Variants in TEKT5 observed in about 807,000 individuals in gnomAD.
The protein encoded by TEKT5 is tektin-5.
A neutral mutation model predicts 48.7 loss-of-function variants in TEKT5; 52 were observed. That is an observed-to-expected ratio of 1.07 (90% confidence interval 0.86 to 1.35). The LOEUF is 1.35. Among genes scored for constraint, TEKT5 ranks in the 40% most tolerant of loss-of-function variants. The pLI, the probability that TEKT5 is intolerant of heterozygous loss-of-function variation, is 0.00. For synonymous variants in TEKT5, 318 were observed against 267.6 expected (o/e 1.19, Z -1.84); for missense variants, 831 against 641.6 (o/e 1.30, Z -3.19).
intron 1 of TEKT5, among the ~76,000 whole-genome samples, 165 bp downstream of exon 1, chr16:10,694,145 G>A (rs184380471): frequency 1.3e-3 from 192 of 152,274 alleles, no homozygotes; most frequent in Non-Finnish European, 2.3e-3. Flanking sequence ...ATTTGACTGG[G>A]ATTATCCTGA....
chr16:10,689,813 C>T, intron 2 of TEKT5, 129 bp downstream of exon 2: 2 of 859,920 alleles, frequency 2.3e-6, no homozygotes, highest in East Asian at 2.6e-5. Flanking sequence ...ACCCATGCTT[C>T]CTGAGCCCTC....
At chr16:10,650,883 TAAAA>T (rs546133425) in intron 5 of TEKT5, among the ~76,000 whole-genome samples, 1 of 130,710 alleles carries the variant, frequency 7.7e-6, no homozygotes. Context: ...AGACTCCATC[TAAAA>T]AAAAAAAAAA....
chr16:10,657,183 T>A (rs1358091735), intron 5 of TEKT5, among the ~76,000 whole-genome samples: 2 of 151,172 alleles, frequency 1.3e-5, no homozygotes, highest in African/African-American at 2.4e-5. Flanking sequence ...TGGAGTGCAA[T>A]GGTGTGATCT....
chr16:10,642,455 CCT>C (rs1379461052), intron 5 of TEKT5, among the ~76,000 whole-genome samples: 1 of 152,164 alleles, frequency 6.6e-6, no homozygotes, highest in East Asian at 1.9e-4. Context: ...CCTGCCCCAC[CCT>C]GTCCTTCCCA....
chr16:10,669,084 C>G (rs150722707), intron 5 of TEKT5, among the ~76,000 whole-genome samples: 20 of 152,254 alleles, frequency 1.3e-4, no homozygotes, highest in African/African-American at 1.2e-4. Context: ...ATTTTTTGAA[C>G]TCTGTGAGAG....
chr16:10,652,603 G>GACACAC (rs71133381), intron 5 of TEKT5, among the ~76,000 whole-genome samples: 1 of 12,242 alleles, frequency 8.2e-5, no homozygotes, highest in African/African-American at 4.8e-4. Flanking sequence ...TACACAGGCA[G>GACACAC]ACACACACAC....
At chr16:10,637,561 C>T (rs1897934159) in intron 5 of TEKT5, among the ~76,000 whole-genome samples, 1 of 152,198 alleles carries the variant, frequency 6.6e-6, no homozygotes, top group Admixed American at 6.5e-5. Context: ...TTGTACCCTA[C>T]AATTTATGAA....
chr16:10,636,547 A>T (rs1897915944), intron 5 of TEKT5, among the ~76,000 whole-genome samples: 1 of 151,956 alleles, frequency 6.6e-6, no homozygotes, highest in Admixed American at 6.6e-5. Context: ...AAAGTAAGGG[A>T]GTGAGGGAGA....
intron 5 of TEKT5, among the ~76,000 whole-genome samples, chr16:10,650,721 T>C (rs1898142261): frequency 6.6e-6 from 1 of 151,800 alleles, no homozygotes; most frequent in Admixed American, 6.6e-5. Flanking sequence ...CCGTCTCTAC[T>C]AAAAATACAA....
At chr16:10,656,483 G>T (rs35946902) in intron 5 of TEKT5, among the ~76,000 whole-genome samples, 14,809 of 151,984 alleles carry the variant, frequency 0.097, 1,260 homozygotes, top group African/African-American at 0.22. Context: ...AAACTCCTGG[G>T]CTCAAGCGAT....
At chr16:10,666,476 T>C (rs545900909) in intron 5 of TEKT5, among the ~76,000 whole-genome samples, 2 of 152,314 alleles carry the variant, frequency 1.3e-5, no homozygotes, top group South Asian at 4.1e-4. Flanking sequence ...CTCTGCCCAG[T>C]AGATGCCAGC....
Position 10,664,410 on chromosome 16 carries a change from G to A in TEKT5, c.1086+11549C>T, listed in dbSNP as rs375580498. 6.6e-5 allele frequency among the ~76,000 whole-genome samples: 10 copies of A among 152,368 alleles called. No homozygotes were observed. The East Asian group carries it at 1.2e-3, about 18-fold the overall frequency. ...TCTGATTCAGTGGGTCCTGGATGGA[G>A]CCTGAGAACGTGCATTTCTAACAAA... On this transcript the variant is annotated intron_variant, in intron 5 of 6. Coordinates refer to ENST00000283025, the MANE Select transcript of TEKT5 (RefSeq NM_144674.2).
intron 3 of TEKT5, among the ~76,000 whole-genome samples, chr16:10,684,099 G>C (rs916511925): frequency 8.4e-6 from 1 of 119,034 alleles, no homozygotes; most frequent in African/African-American, 3.3e-5. Flanking sequence ...TTCCCTGTTG[G>C]CTGAAAAAAA....
intron 4 of TEKT5, among the ~76,000 whole-genome samples, chr16:10,677,099 G>A (rs565317019): frequency 6.6e-6 from 1 of 152,338 alleles, no homozygotes; most frequent in African/African-American, 2.4e-5. Context: ...GCGGAGGTGG[G>A]AGGATCGCTT....
chr16:10,694,712 G>C lies in TEKT5; in HGVS notation c.162C>G (p.Leu54=), dbSNP rs967151081. ...YRYLNSWRPS[L]FYKIANVQTC... ...TCTGGACGTTGGCTATCTTGTAGAA[G>C]AGGCTAGGCCTCCATGAATTGAGGT... The change falls in exon 1 of 7, where the codon CTC becomes CTG. Residue 54 remains leucine, a synonymous_variant. Transcript: ENST00000283025. The C allele has an allele frequency of 2.5e-6, 4 of 1,613,848 alleles. No individual in the cohort carries two copies. The African/African-American group carries it at 5.3e-5, about 22-fold the overall frequency.
At chr16:10,667,840 G>GC (rs764760835) in intron 5 of TEKT5, among the ~76,000 whole-genome samples, 15 of 151,634 alleles carry the variant, frequency 9.9e-5, no homozygotes, top group Non-Finnish European at 1.8e-4. Context: ...CCAATAGAGG[G>GC]TACCATAACA....
At chr16:10,670,098 A>G (rs1395237152) in intron 5 of TEKT5, among the ~76,000 whole-genome samples, 1 of 151,912 alleles carries the variant, frequency 6.6e-6, no homozygotes, top group Non-Finnish European at 1.5e-5. Context: ...TGGTCTTACA[A>G]GGTGGATTCC....
chr16:10,659,458 C>A (rs1425397184), intron 5 of TEKT5, among the ~76,000 whole-genome samples: 1 of 152,170 alleles, frequency 6.6e-6, no homozygotes, highest in Non-Finnish European at 1.5e-5. Context: ...CGGCTCACTG[C>A]AAGCTCTGCC....
At position 10,635,713 on chromosome 16, in the gene TEKT5, G is replaced by A. The variant is rs541465900; in HGVS notation, c.1241+51C>T. The A allele has an allele frequency of 2.4e-5, 38 of 1,584,542 alleles. No homozygotes were observed. The South Asian group carries it at 3.0e-4, about 12-fold the overall frequency. On this transcript the variant is annotated intron_variant, in intron 6 of 6. Transcript: ENST00000283025. ...AAGCTCCTGAGACTCACCCCTTCCC[G>A]TTCCTGGATTCCCAGGGGTTCTCCT...
Sources: allele counts gnomAD v4.1 joint callset (sites outside exome capture counted in the v4.1 genomes callset), GRCh38; gene constraint gnomAD v4.1.1; transcripts MANE v1.5; gene names NCBI Gene and HGNC (gene_info 2026-07-23, HGNC 2026-07-21).